Variants in HIVEP1 observed in about 807,000 individuals in gnomAD.
HIVEP1 encodes the protein zinc finger protein 40.
HIVEP1 carries 36 observed loss-of-function variants against 180.0 expected under a neutral mutation model. That is an observed-to-expected ratio of 0.20 (90% CI 0.15 to 0.26). The LOEUF is 0.26. HIVEP1 is among the 10% of genes least tolerant of loss of function. The pLI is 1.00. For synonymous variants in HIVEP1, 1,239 were observed against 1,239.0 expected (o/e 1.00, Z 0.00); for missense variants, 3,143 against 3,268.7 (o/e 0.96, Z 0.94).
chr6:12,073,728 T>A (rs1373408123), intron 2 of HIVEP1, among the ~76,000 whole-genome samples: 1 of 152,228 alleles, frequency 6.6e-6, no homozygotes, highest in Non-Finnish European at 1.5e-5. Context: ...TAGGCTATTC[T>A]GCCATTACCA....
At chr6:12,116,092 A>C (rs79548802) in intron 3 of HIVEP1, among the ~76,000 whole-genome samples, 6 of 152,002 alleles carry the variant, frequency 3.9e-5, no homozygotes, top group African/African-American at 1.5e-4. Flanking sequence ...ACTATGGTCT[A>C]TGCATCCTCT....
the HIVEP1 span, among the ~76,000 whole-genome samples, chr6:12,191,594 AAAAAATAAAAAT>A: frequency 2.0e-5 from 3 of 152,194 alleles, no homozygotes; most frequent in African/African-American, 7.2e-5. Context: ...CTCTGTCTAA[AAAAAATAAAAAT>A]AAAAATAAAA....
chr6:12,063,530 G>A lies in HIVEP1; in HGVS notation c.41-25654G>A, dbSNP rs1310737965. Among the ~76,000 whole-genome samples, 2 of 152,154 alleles carry A rather than the reference G, an allele frequency of 1.3e-5. No individual in the cohort carries two copies. The highest frequency in any genetic ancestry group is 2.9e-5 in the Non-Finnish European group (2 of 68,032). On this transcript the variant is annotated intron_variant, in intron 2 of 8. Transcript: ENST00000379388. The surrounding 1 kb of genome is among the most constrained non-coding windows in gnomAD (Gnocchi z 4.2). ...CAGGTGTGGCTGCACGTGGAAGGTGGGTTGGAAGGCAGGGAAGGGCAGGAG... is the reference window on the plus strand; with the variant it reads ...CAGGTGTGGCTGCACGTGGAAGGTGAGTTGGAAGGCAGGGAAGGGCAGGAG...
chr6:12,183,582 A>G, the HIVEP1 span, among the ~76,000 whole-genome samples: 1 of 152,182 alleles, frequency 6.6e-6, no homozygotes, highest in African/African-American at 2.4e-5. Context: ...CTTGGACTAG[A>G]ATTTAGATGA....
At chr6:12,107,595 C>T (rs1362704481) in intron 3 of HIVEP1, among the ~76,000 whole-genome samples, 2 of 151,992 alleles carry the variant, frequency 1.3e-5, no homozygotes, top group Admixed American at 6.6e-5. Context: ...CGGATGTGTT[C>T]GGAGTTTCTG....
At chr6:12,066,907 CTTTATTATATATACAT>C (rs1771630351) in intron 2 of HIVEP1, among the ~76,000 whole-genome samples, 1 of 151,644 alleles carries the variant, frequency 6.6e-6, no homozygotes, top group African/African-American at 2.4e-5. Flanking sequence ...CACACATACA[CTTTATTATATATACAT>C]ACATACAAAA....
rs1757735288 is a variant in HIVEP1 at position 12,122,445 on chromosome 6, A to C, written c.2650A>C (p.Asn884His). The change falls in exon 4 of 9, where the codon AAC (asparagine) becomes CAC (histidine). Residue 884 changes from asparagine (N) to histidine (H), a missense_variant. By Grantham distance (68) the Asn-to-His change is moderately conservative (BLOSUM62 1). Coordinates refer to ENST00000379388, the MANE Select transcript of HIVEP1 (RefSeq NM_002114.4). ...TGATGATGTCTTTGTATCGGGACCT[A>C]ACGCTCCTGTGCCCCAGAGTGGGCA... ...FYDDVFVSGP[N>H]APVPQSGHPR... 6.2e-7 allele frequency: 1 copy of C among 1,614,228 alleles called. No individual in the cohort carries two copies. The highest frequency in any genetic ancestry group is 2.2e-5 in the East Asian group (1 of 44,890).
chr6:12,133,575 G>A (rs1365805608), intron 6 of HIVEP1, among the ~76,000 whole-genome samples: 2 of 152,180 alleles, frequency 1.3e-5, no homozygotes, highest in Non-Finnish European at 2.9e-5. Flanking sequence ...CTAAAGTTAT[G>A]AGAAAATATG....
chr6:12,011,186 G>A (rs1034921403), upstream of HIVEP1, among the ~76,000 whole-genome samples: 17 of 150,450 alleles, frequency 1.1e-4, 1 homozygote, highest in African/African-American at 3.7e-4. Context: ...TTTTTTAAAA[G>A]TTGTTTTTCA....
intron 2 of HIVEP1, among the ~76,000 whole-genome samples, chr6:12,022,115 A>G (rs775326839): frequency 2.0e-5 from 3 of 152,248 alleles, no homozygotes; most frequent in Non-Finnish European, 4.4e-5. Context: ...TTGCCTGAAC[A>G]GATAAACCAG....
chr6:12,127,465 GGAGAA>G (rs1318549369), intron 4 of HIVEP1, among the ~76,000 whole-genome samples: 1 of 152,176 alleles, frequency 6.6e-6, no homozygotes, highest in Non-Finnish European at 1.5e-5. Context: ...AAGTGTTTGT[GGAGAA>G]GAGAAGTGGC....
rs770792144 is a variant in HIVEP1, at chr6:12,123,399, C to G, written c.3604C>G (p.Leu1202Val). The G allele has an allele frequency of 6.2e-7, 1 of 1,614,034 alleles. No individual in the cohort carries two copies. Residue 1202 changes from leucine to valine, a missense_variant, in exon 4 of 9, where the codon CTC becomes GTC. Physicochemically the swap from Leu to Val is conservative, Grantham distance 32 (BLOSUM62 1). This residue lies in a region of HIVEP1 where 1,357 missense variants were observed against 1,260.5 expected (regional missense o/e 1.08). Transcript: ENST00000379388. ...TCACCAGCTTGCACTATCAGACGCT[C>G]TCAGAGGAGAACTTCAGGAAAGCTC... Reference protein sequence around the residue: ...HPHQLALSDALRGELQESSRK... With the variant: ...HPHQLALSDAVRGELQESSRK...
At chr6:12,027,313 C>G (rs994431674) in intron 2 of HIVEP1, among the ~76,000 whole-genome samples, 170 of 152,292 alleles carry the variant, frequency 1.1e-3, no homozygotes, top group African/African-American at 3.9e-3. Context: ...TGAGGGTCCG[C>G]TGCCTGCCAA....
intron 2 of HIVEP1, among the ~76,000 whole-genome samples, chr6:12,085,639 C>T (rs1178594929): frequency 6.6e-6 from 1 of 152,082 alleles, no homozygotes; most frequent in African/African-American, 2.4e-5. Flanking sequence ...GAACCAAATC[C>T]TAACAACTTA....
At position 12,124,048 on chromosome 6, in the gene HIVEP1, A is replaced by C; in HGVS notation, c.4253A>C (p.His1418Pro). 6.2e-7 allele frequency: 1 copy of C among 1,614,140 alleles called. No homozygotes were observed. The highest frequency in any genetic ancestry group is 8.5e-7 in the Non-Finnish European group (1 of 1,179,994). ...CCTTCTCGAGTGGGAGTGACTGGGC[A>C]TGTGCCTCTCTTAGAAAGAAGGAGA... Reference protein sequence around the residue: ...SSPSRVGVTGHVPLLERRRGP... With the variant: ...SSPSRVGVTGPVPLLERRRGP... Residue 1418 changes from histidine (H) to proline (P), a missense_variant, in exon 4 of 9, where the codon CAT (histidine) becomes CCT (proline). By Grantham distance (77) the His-to-Pro change is moderately conservative. Transcript: ENST00000379388.
chr6:12,010,628 T>C (rs1373172886), upstream of HIVEP1, among the ~76,000 whole-genome samples: 1 of 151,560 alleles, frequency 6.6e-6, no homozygotes, highest in Non-Finnish European at 1.5e-5. Context: ...TTTGCATCAA[T>C]TTTGTTTCAC....
chr6:12,042,943 C>A (rs9470838), intron 2 of HIVEP1, among the ~76,000 whole-genome samples: 37,321 of 152,058 alleles, frequency 0.25, 4,925 homozygotes, highest in African/African-American at 0.35. Flanking sequence ...TTGTGTATGT[C>A]ATGAGGTTAT....
At chr6:12,008,815 T>TAAAA (rs1767132681), upstream of HIVEP1, 1 of 152,234 alleles carries the variant, frequency 6.6e-6, no homozygotes, top group Non-Finnish European at 1.5e-5. Context: ...TGCTTTTTTG[T>TAAAA]TTTTAAAATT....
At chr6:12,032,162 A>G (rs1009572458) in intron 2 of HIVEP1, among the ~76,000 whole-genome samples, 2 of 137,640 alleles carry the variant, frequency 1.5e-5, no homozygotes, top group Admixed American at 7.4e-5. Context: ...TTTTTTTGAG[A>G]CAGAGTCTTG....
Sources: allele counts gnomAD v4.1 joint callset (sites outside exome capture counted in the v4.1 genomes callset), GRCh38; gene constraint gnomAD v4.1.1; regional missense constraint gnomAD v4.1.1; non-coding constraint Gnocchi (gnomAD v3.1); transcripts MANE v1.5; gene names NCBI Gene and HGNC (gene_info 2026-07-23, HGNC 2026-07-21).